SLC8A1: variants seen among roughly 807,000 people sequenced by gnomAD.
SLC8A1 encodes the protein solute carrier family 8 member A1.
A neutral mutation model predicts 68.3 loss-of-function variants in SLC8A1; 18 were observed. That is an observed-to-expected ratio of 0.26 (90% CI 0.18 to 0.39). The LOEUF is 0.39. SLC8A1 is among the 10% of genes least tolerant of loss of function. The pLI is 1.00. For missense variants in SLC8A1, 985 were observed against 1,156.7 expected (o/e 0.85, Z 2.15); for synonymous variants, 475 against 415.5 (o/e 1.14, Z -1.74).
At chr2:40,324,293 G>C (rs2075562621) in intron 2 of SLC8A1, among the ~76,000 whole-genome samples, 1 of 152,162 alleles carries the variant, frequency 6.6e-6, no homozygotes, top group Non-Finnish European at 1.5e-5. Flanking sequence ...CATTTTTAAA[G>C]AGGGGAAACG....
chr2:40,180,825 T>C (rs555659027), intron 2 of SLC8A1, among the ~76,000 whole-genome samples: 2 of 152,358 alleles, frequency 1.3e-5, no homozygotes, highest in African/African-American at 2.4e-5. Flanking sequence ...ATAGGGTGAA[T>C]GTTTGTGTAG....
At chr2:40,272,732 G>C (rs1003553391) in intron 2 of SLC8A1, among the ~76,000 whole-genome samples, 1 of 152,186 alleles carries the variant, frequency 6.6e-6, no homozygotes, top group South Asian at 2.1e-4. Flanking sequence ...GTTCACCGCT[G>C]TTCTTGCAAT....
chr2:40,502,193 A>G (rs1706097860), intron 1 of SLC8A1, among the ~76,000 whole-genome samples: 1 of 152,130 alleles, frequency 6.6e-6, no homozygotes, highest in African/African-American at 2.4e-5. Flanking sequence ...AACTTTCTTT[A>G]GAAAAATTTG....
At chr2:40,368,975 G>C (rs959585020) in intron 2 of SLC8A1, among the ~76,000 whole-genome samples, 5 of 152,090 alleles carry the variant, frequency 3.3e-5, no homozygotes, top group African/African-American at 1.2e-4. Context: ...TGGGATAACT[G>C]GCTAGCTGTA....
intron 1 of SLC8A1, among the ~76,000 whole-genome samples, chr2:40,510,152 T>C (rs1408326280): frequency 6.6e-6 from 1 of 152,118 alleles, no homozygotes; most frequent in Non-Finnish European, 1.5e-5. Flanking sequence ...ATTTATTATT[T>C]TTTTACGTAA....
intron 1 of SLC8A1, among the ~76,000 whole-genome samples, chr2:40,501,279 T>G: frequency 6.6e-6 from 1 of 152,082 alleles, no homozygotes; most frequent in East Asian, 1.9e-4. Context: ...GAGTTATATA[T>G]CAAACACCCC....
In SLC8A1 at chr2:40,466,581, G is replaced by C. The variant is rs554268747; in HGVS notation, c.-24-36277C>G. Among the ~76,000 whole-genome samples the C allele has an allele frequency of 8.5e-5, 13 of 152,226 alleles. No homozygotes were observed. In the South Asian group the frequency reaches 2.3e-3, roughly 27 times the overall value. ...GAGCCTTGCTTCCCTTGCAAACTGA[G>C]GGTGCTAATCTGCTTCTTTCTATAT... is the stretch of plus-strand genomic sequence containing the variant. On this transcript the variant is annotated intron_variant, in intron 1 of 7. Coordinates refer to the SLC8A1 transcript ENST00000402441.
intron 2 of SLC8A1, among the ~76,000 whole-genome samples, chr2:40,360,812 C>T (rs908817812): frequency 6.6e-6 from 1 of 152,174 alleles, no homozygotes; most frequent in Non-Finnish European, 1.5e-5. Flanking sequence ...AGGGCAAGGT[C>T]TGCCCTCTTG....
chr2:40,340,972 T>C (rs1293049725), intron 2 of SLC8A1, among the ~76,000 whole-genome samples: 1 of 152,186 alleles, frequency 6.6e-6, no homozygotes, highest in East Asian at 1.9e-4. Flanking sequence ...CTTTTATTGA[T>C]CATTTCATAT....
At chr2:40,204,661 C>T (rs1251089586) in intron 2 of SLC8A1, among the ~76,000 whole-genome samples, 3 of 151,870 alleles carry the variant, frequency 2.0e-5, no homozygotes, top group African/African-American at 7.3e-5. Context: ...ATAGGTCAGA[C>T]AGGTTAGTCC....
intron 2 of SLC8A1, among the ~76,000 whole-genome samples, chr2:40,236,697 A>C (rs866292883): frequency 2.6e-5 from 4 of 152,076 alleles, no homozygotes; most frequent in African/African-American, 9.7e-5. Flanking sequence ...TCCTAGTCTC[A>C]ATGGTCTTTA....
chr2:40,441,014 C>A (rs770850102), intron 1 of SLC8A1, among the ~76,000 whole-genome samples: 1 of 152,030 alleles, frequency 6.6e-6, no homozygotes, highest in African/African-American at 2.4e-5. Flanking sequence ...TGACATAATT[C>A]TATATTTAGA....
At chr2:40,394,339 T>G (rs1402081034) in intron 2 of SLC8A1, among the ~76,000 whole-genome samples, 1 of 152,058 alleles carries the variant, frequency 6.6e-6, no homozygotes, top group African/African-American at 2.4e-5. Context: ...CCCAATAAGC[T>G]AGTAAGATAT....
At chr2:40,319,593 G>A (rs1214731609) in intron 2 of SLC8A1, among the ~76,000 whole-genome samples, 2 of 152,010 alleles carry the variant, frequency 1.3e-5, no homozygotes, top group African/African-American at 4.8e-5. Context: ...TCACTAAGCA[G>A]CACATCTCAT....
intron 1 of SLC8A1, among the ~76,000 whole-genome samples, chr2:40,496,978 G>A (rs1423277119): frequency 6.6e-6 from 1 of 150,736 alleles, no homozygotes; most frequent in Non-Finnish European, 1.5e-5. Flanking sequence ...AATGCTAGAT[G>A]ACGAGTTAGT....
chr2:40,429,530 C>T, exon 2 of SLC8A1: 1 of 1,613,850 alleles, frequency 6.2e-7, no homozygotes. Flanking sequence ...CTATCCGCTA[C>T]CCAAGCGAAC....
intron 1 of SLC8A1, among the ~76,000 whole-genome samples, chr2:40,485,144 G>C (rs1409745337): frequency 6.6e-6 from 1 of 152,032 alleles, no homozygotes; most frequent in Non-Finnish European, 1.5e-5. Context: ...AAGCAGGCAG[G>C]CAAGGAGAGA....
intron 6 of SLC8A1, among the ~76,000 whole-genome samples, chr2:40,144,827 A>G (rs1382617246): frequency 6.6e-6 from 1 of 152,166 alleles, no homozygotes; most frequent in Non-Finnish European, 1.5e-5. Flanking sequence ...TGCATTTGAG[A>G]TTAGCAATGT....
At chr2:40,300,057 G>A (rs1463283331) in intron 2 of SLC8A1, among the ~76,000 whole-genome samples, 1 of 152,080 alleles carries the variant, frequency 6.6e-6, no homozygotes, top group Non-Finnish European at 1.5e-5. Flanking sequence ...AAAGTTTCAG[G>A]TTCCTTATCC....
Sources: gnomAD v4.1 joint callset for allele counts (sites outside exome capture counted in the v4.1 genomes callset) on GRCh38, gnomAD v4.1.1 for gene constraint, MANE v1.5 for transcripts, NCBI Gene and HGNC (gene_info 2026-07-23, HGNC 2026-07-21) for gene names.